KLHL4: variants seen among roughly 807,000 people sequenced by gnomAD.
The protein encoded by KLHL4 is kelch-like protein 4.
Under a neutral mutation model 45.8 loss-of-function variants are expected in KLHL4, and 17 were observed. That is an observed-to-expected ratio of 0.37 (90% confidence interval 0.25 to 0.56). The LOEUF is 0.56. Among genes scored for constraint, KLHL4 ranks in the 20% least tolerant of loss-of-function variants. KLHL4 has a pLI of 0.79. For synonymous variants in KLHL4, 224 were observed against 189.9 expected (o/e 1.18, Z -1.47); for missense variants, 544 against 544.9 (o/e 1.00, Z 0.02).
intron 1 of KLHL4, among the ~76,000 whole-genome samples, chrX:87,559,623 C>T (rs5969260): frequency 0.25 from 27,834 of 110,737 alleles, 2,962 homozygotes; most frequent in East Asian, 0.51. Context: ...GAGAACCAAA[C>T]ACACTTAAAA....
At chrX:87,631,324 T>C (rs1360689305) in intron 6 of KLHL4, among the ~76,000 whole-genome samples, 1 of 111,488 alleles carries the variant, frequency 9.0e-6, no homozygotes, top group African/African-American at 3.3e-5. Flanking sequence ...TGCTTATCTA[T>C]GTCTGCAGCT....
intron 9 of KLHL4, among the ~76,000 whole-genome samples, chrX:87,644,503 G>A (rs1035241010): frequency 2.7e-5 from 3 of 110,632 alleles, no homozygotes; most frequent in African/African-American, 6.6e-5. Context: ...CAAATTCAAC[G>A]CAGTCCCCAC....
Position 87,614,059 on chromosome X carries a change from G to A in KLHL4, c.590+15G>A. 1 of 1,169,796 alleles carries A rather than the reference G, an allele frequency of 8.5e-7. No homozygotes were observed. On this transcript the variant is annotated intron_variant, in intron 2 of 10. Coordinates refer to ENST00000373119, the MANE Select transcript of KLHL4 (RefSeq NM_019117.5). ...CCAGCCCATAGGTAAGTATTTTTATGTATACAGAATGGTTTTGAGTAGGGC... is the reference window on the plus strand; with the variant it reads ...CCAGCCCATAGGTAAGTATTTTTATATATACAGAATGGTTTTGAGTAGGGC...
At chrX:87,630,334 G>A (rs1345376177) in intron 6 of KLHL4, among the ~76,000 whole-genome samples, 1 of 110,830 alleles carries the variant, frequency 9.0e-6, no homozygotes, top group African/African-American at 3.3e-5. Flanking sequence ...TTGTGTAATT[G>A]GGATGAAATT....
At chrX:87,597,856 A>G (rs940809948) in intron 1 of KLHL4, among the ~76,000 whole-genome samples, 1 of 111,176 alleles carries the variant, frequency 9.0e-6, no homozygotes, top group African/African-American at 3.3e-5. Flanking sequence ...TTGTCATATT[A>G]CCTTCTAATA....
intron 1 of KLHL4, among the ~76,000 whole-genome samples, chrX:87,611,659 C>CATTACTATACTATACTATACT (rs756607608): frequency 9.8e-6 from 1 of 101,541 alleles, no homozygotes; most frequent in East Asian, 3.1e-4. Context: ...GGTTTAAGTA[C>CATTACTATACTATACTATACT]ATACTATACT....
At chrX:87,616,999 G>A (rs760831917) in intron 3 of KLHL4, among the ~76,000 whole-genome samples, 31 of 111,796 alleles carry the variant, frequency 2.8e-4, no homozygotes, top group Non-Finnish European at 4.7e-4. Flanking sequence ...GGAATAGTTT[G>A]TAATTGATAT....
intron 9 of KLHL4, among the ~76,000 whole-genome samples, chrX:87,643,812 A>T (rs960049468): frequency 1.8e-5 from 2 of 112,100 alleles, no homozygotes; most frequent in Non-Finnish European, 3.8e-5. Context: ...ACATAATCAC[A>T]TCAAAAGATG....
chrX:87,530,125 A>C (rs1267922702), intron 1 of KLHL4, among the ~76,000 whole-genome samples: 2 of 110,729 alleles, frequency 1.8e-5, no homozygotes, highest in Non-Finnish European at 3.8e-5. Context: ...TCTTTAGTTT[A>C]ATTAGATTCC....
rs376617726 is a variant in KLHL4, at chrX:87,632,447, C to A, written c.1549+13C>A. The A allele has an allele frequency of 7.6e-5, 83 of 1,088,817 alleles. No homozygotes were observed. The highest frequency in any genetic ancestry group is 5.0e-4 in the Middle Eastern group (2 of 3,982). The allele number at this position is 1,088,817 out of a possible 1,213,427, so 89.7% of individuals were successfully genotyped here. On this transcript the variant is annotated intron_variant, in intron 7 of 10. Transcript: ENST00000373119. ...CGGCACGGCTTAGGTAAGAGCTTAA[C>A]GTAATGTATTTTTCAAGAATGTATA...
chrX:87,545,450 C>T (rs1931654203), intron 1 of KLHL4, among the ~76,000 whole-genome samples: 1 of 111,477 alleles, frequency 9.0e-6, no homozygotes, highest in Middle Eastern at 4.6e-3. Flanking sequence ...CCTACACATG[C>T]CCTCTCGCCT....
chrX:87,660,727 C>T (rs1380662367), intron 9 of KLHL4, among the ~76,000 whole-genome samples: 1 of 112,143 alleles, frequency 8.9e-6, no homozygotes, highest in Non-Finnish European at 1.9e-5. Context: ...GCCTGTAATC[C>T]CAGGTACTGG....
At chrX:87,580,077 TAA>T (rs1921223695) in intron 1 of KLHL4, among the ~76,000 whole-genome samples, 1 of 111,568 alleles carries the variant, frequency 9.0e-6, no homozygotes, top group Non-Finnish European at 1.9e-5. Flanking sequence ...ATCAAAAACA[TAA>T]AGTGTGTAGA....
chrX:87,583,849 G>T (rs1353974037), intron 1 of KLHL4, among the ~76,000 whole-genome samples: 2 of 111,042 alleles, frequency 1.8e-5, no homozygotes, highest in Non-Finnish European at 3.8e-5. Context: ...ATGACCACAA[G>T]GGGGCAGAGC....
At chrX:87,607,790 T>C (rs1346271065) in intron 1 of KLHL4, among the ~76,000 whole-genome samples, 1 of 111,685 alleles carries the variant, frequency 9.0e-6, no homozygotes, top group East Asian at 2.8e-4. Flanking sequence ...AATCTTTAAA[T>C]GTAGAAGTCA....
intron 1 of KLHL4, among the ~76,000 whole-genome samples, chrX:87,525,952 C>A (rs1390870311): frequency 9.0e-6 from 1 of 111,312 alleles, no homozygotes; most frequent in Non-Finnish European, 1.9e-5. Flanking sequence ...TTGTCTATTG[C>A]TCTTTCTTCA....
intron 1 of KLHL4, among the ~76,000 whole-genome samples, chrX:87,595,023 T>G (rs1480098742): frequency 9.1e-6 from 1 of 110,345 alleles, no homozygotes; most frequent in Non-Finnish European, 1.9e-5. Flanking sequence ...TTCTCTCTTT[T>G]TTTTTTTTTA....
intron 1 of KLHL4, among the ~76,000 whole-genome samples, chrX:87,534,152 T>G (rs1249949272): frequency 9.0e-6 from 1 of 111,612 alleles, no homozygotes. Context: ...CAGTTCATTT[T>G]CAGAGACCCT....
At chrX:87,554,614 T>G (rs2147781141) in intron 1 of KLHL4, among the ~76,000 whole-genome samples, 1 of 106,875 alleles carries the variant, frequency 9.4e-6, no homozygotes, top group East Asian at 3.1e-4. Context: ...TAAAGAGATT[T>G]TGGCTGAGAC....
Sources: gnomAD v4.1 joint callset for allele counts (sites outside exome capture counted in the v4.1 genomes callset) on GRCh38, gnomAD v4.1.1 for gene constraint, MANE v1.5 for transcripts, NCBI Gene and HGNC (gene_info 2026-07-23, HGNC 2026-07-21) for gene names.